The following KCNAB2 variants were observed in gnomAD, a reference collection of about 807,000 sequenced individuals.
KCNAB2 encodes voltage-gated potassium channel subunit beta-2.
Under a neutral mutation model 63.6 loss-of-function variants are expected in KCNAB2, and 29 were observed. The ratio of observed to expected loss-of-function variants is 0.46; its 90% CI spans 0.34 to 0.62. KCNAB2 has a LOEUF of 0.62. Among genes scored for constraint, KCNAB2 ranks in the 20% least tolerant of loss-of-function variants. The probability of loss-of-function intolerance (pLI) is 0.01; values close to 1 mark genes in which losing one functional copy is unlikely to be tolerated. For missense variants in KCNAB2, 359 were observed against 563.9 expected (o/e 0.64, Z 3.68); for synonymous variants, 222 against 224.2 (o/e 0.99, Z 0.09).
chr1:6,054,407 G>T (rs1265535389), intron 2 of KCNAB2, among the ~76,000 whole-genome samples: 6 of 152,216 alleles, frequency 3.9e-5, no homozygotes, highest in Non-Finnish European at 5.9e-5. Context: ...AGACGGGTGG[G>T]TTACATGAGG....
At chr1:6,067,510 G>A (rs943232321) in intron 2 of KCNAB2, among the ~76,000 whole-genome samples, 10 of 152,182 alleles carry the variant, frequency 6.6e-5, no homozygotes, top group African/African-American at 1.9e-4. Context: ...TGTGAAAACC[G>A]TGTCATCTAA....
intron 2 of KCNAB2, among the ~76,000 whole-genome samples, chr1:6,052,490 A>G (rs1044604253): frequency 1.3e-5 from 2 of 151,708 alleles, no homozygotes; most frequent in African/African-American, 2.4e-5. Context: ...GTGTTTCTCC[A>G]TGGGGAAAAA....
At position 6,098,968 on chromosome 1, in the gene KCNAB2, G is replaced by A. The variant is rs149798438; in HGVS notation, c.*394G>A. 13 of 181,874 alleles carry A rather than the reference G, an allele frequency of 7.1e-5. No homozygotes were observed. The East Asian group carries it at 2.1e-3, about 30-fold the overall frequency. The allele number at this position is 181,874 out of a possible 1,614,324, so 11.3% of individuals were successfully genotyped here. ...CTGGTTGGGTCCTTGGGGCGGGCAGGGCCAGCCTCTCCTCTGCTGAGAATC... is the reference window on the plus strand; with the variant it reads ...CTGGTTGGGTCCTTGGGGCGGGCAGAGCCAGCCTCTCCTCTGCTGAGAATC... On this transcript the variant is annotated 3_prime_UTR_variant, in exon 16 of 16. Coordinates refer to ENST00000378083, the MANE Select transcript of KCNAB2 (RefSeq NM_001199862.2).
In KCNAB2 at chr1:6,100,200, A is replaced by G; in HGVS notation, c.*1626A>G. The G allele has an allele frequency of 9.4e-7, 1 of 1,068,984 alleles. No homozygotes were observed. Among genetic ancestry groups the G allele is most frequent in the East Asian group, 2.9e-5 (1 of 35,086 alleles). 66.2% of individuals were successfully genotyped at this position (1,068,984 alleles called of 1,614,324 possible). A position where few individuals can be genotyped will look rare whatever the true frequency, so the allele number is the denominator to read the frequency against. The stretch of plus-strand genomic sequence containing the variant: ...GGAAACTGTGAAAGTCAGAAAGGCC[A>G]GCGGGGAGAGGCTGGGGCGAGGGGA... On this transcript the variant is annotated 3_prime_UTR_variant, in exon 16 of 16. Transcript: ENST00000378083.
At chr1:6,055,866 G>A (rs900303352) in intron 2 of KCNAB2, among the ~76,000 whole-genome samples, 9 of 152,306 alleles carry the variant, frequency 5.9e-5, no homozygotes, top group South Asian at 4.1e-4. Context: ...CCTCTTCTCC[G>A]TCAGCGACTG....
rs115127616 is a variant in KCNAB2 at position 6,065,658 on chromosome 1, C to T, written c.219-7097C>T. 5.7e-3 allele frequency among the ~76,000 whole-genome samples: 864 copies of T among 152,332 alleles called. 9 individuals carry two copies. Among genetic ancestry groups the T allele is most frequent in the African/African-American group, 0.02 (825 of 41,578 alleles). The stretch of plus-strand genomic sequence containing the variant: ...GCGGGTGTGCTCATCACCCGTCACT[C>T]ATCATCAGGAGTAACTCACAGCCCA... On this transcript the variant is annotated intron_variant, in intron 2 of 15. Coordinates refer to ENST00000378083, the MANE Select transcript of KCNAB2 (RefSeq NM_001199862.2).
At chr1:6,081,110 G>T (rs1664173270) in intron 4 of KCNAB2, among the ~76,000 whole-genome samples, 1 of 152,248 alleles carries the variant, frequency 6.6e-6, no homozygotes, top group African/African-American at 2.4e-5. Flanking sequence ...CCCACGACCA[G>T]TTCTTTGCTC....
rs756736558 is a variant in KCNAB2 at position 6,085,187 on chromosome 1, G to C, written c.381-17G>C. 1 of 1,613,648 alleles carries C rather than the reference G, an allele frequency of 6.2e-7. No individual in the cohort carries two copies. Among genetic ancestry groups the C allele is most frequent in the Non-Finnish European group, 8.5e-7 (1 of 1,179,724 alleles). On this transcript the variant is annotated splice_polypyrimidine_tract_variant and intron_variant, in intron 5 of 15. Coordinates refer to ENST00000378083, the MANE Select transcript of KCNAB2 (RefSeq NM_001199862.2). Reference sequence around the variant, plus strand: ...TTCTGTTTGGCTGTGATGAGAGCTCGGTGTCTTGTTTTGCAGGGCTGAAGT... The same window carrying C: ...TTCTGTTTGGCTGTGATGAGAGCTCCGTGTCTTGTTTTGCAGGGCTGAAGT...
upstream of KCNAB2, among the ~76,000 whole-genome samples, chr1:6,044,928 G>A (rs576832988): frequency 6.6e-6 from 1 of 152,192 alleles, no homozygotes; most frequent in Admixed American, 6.5e-5. Context: ...ACCCAGGGAA[G>A]GAGAGGGCCT....
chr1:6,032,911 A>G (rs936353844), upstream of KCNAB2, among the ~76,000 whole-genome samples: 3 of 152,250 alleles, frequency 2.0e-5, no homozygotes, highest in African/African-American at 7.2e-5. Context: ...AAAAATGAAA[A>G]ATATGGGGGG....
In KCNAB2 at chr1:6,003,975, C is replaced by T. The variant is rs1325052792; in HGVS notation, c.-53+11187C>T. On this transcript the variant is annotated intron_variant, in intron 1 of 16. Coordinates refer to the KCNAB2 transcript ENST00000341524. The surrounding 1 kb of genome is among the most constrained non-coding windows in gnomAD (Gnocchi z 4.1). Reference sequence around the variant, plus strand: ...GATGTTAATCGTTCATGCCCTGTCACGTGGTCATGGGACGGTAATCCTCTT... The same window carrying T: ...GATGTTAATCGTTCATGCCCTGTCATGTGGTCATGGGACGGTAATCCTCTT... Among the ~76,000 whole-genome samples the T allele has an allele frequency of 6.6e-6, 1 of 152,170 alleles. No individual in the cohort carries two copies.
Position 6,086,501 on chromosome 1 carries a change from C to T in KCNAB2, c.426-966C>T. 1.8e-6 allele frequency: 1 copy of T among 547,962 alleles called. No homozygotes were observed. The highest frequency in any genetic ancestry group is 2.3e-6 in the Non-Finnish European group (1 of 430,208). 33.9% of individuals were successfully genotyped at this position (547,962 alleles called of 1,614,324 possible). A position where few individuals can be genotyped will look rare whatever the true frequency, so the allele number is the denominator to read the frequency against. On this transcript the variant is annotated intron_variant, in intron 6 of 15. Transcript: ENST00000378083. This position sits in a 1 kb window ranked among gnomAD's most constrained non-coding sequence, Gnocchi z 4.2. ...GGGCAGAGGAGGCCTCCTACTCCAG[C>T]CTCGTGAGCTGCTTCCCTGAGCAGC...
upstream of KCNAB2, among the ~76,000 whole-genome samples, chr1:6,044,003 A>AT (rs1444135310): frequency 6.6e-6 from 1 of 152,148 alleles, no homozygotes; most frequent in African/African-American, 2.4e-5. Flanking sequence ...ACTGGGGCCT[A>AT]CCCCAGGCAT....
At chr1:6,090,325 G>T (rs1394104685) in intron 8 of KCNAB2, 64 bp from the exon 9 acceptor site, 16 of 1,167,500 alleles carry the variant, frequency 1.4e-5, no homozygotes, top group Non-Finnish European at 1.3e-6. Context: ...GGGCATGGAT[G>T]GGCCCAGGTG....
intron 11 of KCNAB2, among the ~76,000 whole-genome samples, chr1:6,095,090 G>A (rs1665502878): frequency 6.6e-6 from 1 of 152,254 alleles, no homozygotes; most frequent in South Asian, 2.1e-4. Context: ...AGCCTGGGCT[G>A]CTCATAACTG....
At chr1:6,082,834 C>G (rs988588846) in intron 5 of KCNAB2, among the ~76,000 whole-genome samples, 3 of 152,232 alleles carry the variant, frequency 2.0e-5, no homozygotes, top group African/African-American at 7.2e-5. Context: ...TTTGTGAAAT[C>G]ATTTGTTGGC....
upstream of KCNAB2, chr1:6,045,851 C>G (rs867314204): frequency 2.9e-5 from 28 of 974,606 alleles, no homozygotes; most frequent in African/African-American, 3.5e-5. This position sits in a 1 kb window ranked among gnomAD's most constrained non-coding sequence, Gnocchi z 4.8. Flanking sequence ...AGGACCTCCC[C>G]CTCACCTTGG....
chr1:6,090,432 T>C lies in KCNAB2; in HGVS notation c.558T>C (p.Asp186=). 1 of 1,613,870 alleles carries C rather than the reference T, an allele frequency of 6.2e-7. No individual in the cohort carries two copies. Among genetic ancestry groups the C allele is most frequent in the Middle Eastern group, 1.7e-4 (1 of 6,058 alleles). ...AGCGACTGCAGCTGGAGTACGTGGA[T>C]GTGGTGTTTGCCAACCGCCCGGACC... ...SLERLQLEYV[D]VVFANRPDPN... Residue 186 remains aspartate, a synonymous_variant, in exon 9 of 16, where the codon GAT becomes GAC. Coordinates refer to ENST00000378083, the MANE Select transcript of KCNAB2 (RefSeq NM_001199862.2).
exon 2 of KCNAB2, chr1:6,040,537 C>A (rs1660413070): frequency 1.2e-6 from 2 of 1,601,578 alleles, no homozygotes; most frequent in East Asian, 2.2e-5. Flanking sequence ...CTGTAAAAAA[C>A]CGAGCAAGTC....
Sources: gnomAD v4.1 joint callset for allele counts (sites outside exome capture counted in the v4.1 genomes callset) on GRCh38, gnomAD v4.1.1 for gene constraint, Gnocchi (gnomAD v3.1) non-coding constraint, MANE v1.5 for transcripts, NCBI Gene and HGNC (gene_info 2026-07-23, HGNC 2026-07-21) for gene names.